The following RAI14 variants were observed in gnomAD, a reference collection of about 807,000 sequenced individuals.
RAI14 encodes ankycorbin.
In RAI14, 45 loss-of-function variants were observed where a neutral mutation model predicts 115.4. The ratio of observed to expected loss-of-function variants is 0.39; its 90% CI spans 0.31 to 0.50. RAI14 has a LOEUF of 0.50. Among genes scored for constraint, RAI14 ranks in the 20% least tolerant of loss-of-function variants. The probability of loss-of-function intolerance (pLI) is 0.85; values close to 1 mark genes in which losing one functional copy is unlikely to be tolerated. For missense variants in RAI14, 939 were observed against 1,131.2 expected (o/e 0.83, Z 2.44); for synonymous variants, 371 against 415.4 (o/e 0.89, Z 1.30).
intron 4 of RAI14, among the ~76,000 whole-genome samples, chr5:34,802,243 C>T (rs1754362440): frequency 6.6e-6 from 1 of 152,066 alleles, no homozygotes; most frequent in Admixed American, 6.6e-5. Context: ...AATTATCCAG[C>T]TTATAAGGTC....
At chr5:34,727,140 T>C (rs1277246861) in intron 2 of RAI14, among the ~76,000 whole-genome samples, 1 of 152,148 alleles carries the variant, frequency 6.6e-6, no homozygotes, top group African/African-American at 2.4e-5. Flanking sequence ...AAGTCTAGGC[T>C]GAAGTGGTGT....
At chr5:34,799,518 ACACACACACACAC>A (rs1323446392) in intron 4 of RAI14, among the ~76,000 whole-genome samples, 4 of 116,450 alleles carry the variant, frequency 3.4e-5, no homozygotes, top group African/African-American at 1.2e-4. Flanking sequence ...ACACACACAC[ACACACACACACAC>A]ACACACACAA....
At position 34,791,087 on chromosome 5, in the gene RAI14, G is replaced by T. The variant is rs1319105014; in HGVS notation, c.168-4852G>T. Among the ~76,000 whole-genome samples the T allele has an allele frequency of 1.3e-5, 2 of 152,092 alleles. No homozygotes were observed. The highest frequency in any genetic ancestry group is 2.9e-5 in the Non-Finnish European group (2 of 68,030). On this transcript the variant is annotated intron_variant, in intron 3 of 17. Transcript: ENST00000265109. This position sits in a 1 kb window ranked among gnomAD's most constrained non-coding sequence, Gnocchi z 5.4. ...ATTTTACAAATTACATGGATGGTTGGGTTGGTAAGAAGTATGTGAATTTTG... is the reference window on the plus strand; with the variant it reads ...ATTTTACAAATTACATGGATGGTTGTGTTGGTAAGAAGTATGTGAATTTTG...
At chr5:34,826,714 C>A (rs185739409) in intron 16 of RAI14, among the ~76,000 whole-genome samples, 82 of 152,280 alleles carry the variant, frequency 5.4e-4, no homozygotes, top group African/African-American at 1.9e-3. Flanking sequence ...AGGAAAGAAC[C>A]GACAGGACAG....
chr5:34,766,934 C>T (rs1749459352), intron 3 of RAI14, among the ~76,000 whole-genome samples: 1 of 152,118 alleles, frequency 6.6e-6, no homozygotes, highest in Admixed American at 6.5e-5. Context: ...GAGTAAGTCT[C>T]ACGAGATCTG....
chr5:34,682,223 AC>A (rs1744440075), intron 1 of RAI14, among the ~76,000 whole-genome samples: 1 of 151,636 alleles, frequency 6.6e-6, no homozygotes, highest in African/African-American at 2.4e-5. Flanking sequence ...TAAAAAAAAA[AC>A]AGCTTTGTTG....
intron 2 of RAI14, among the ~76,000 whole-genome samples, chr5:34,743,227 A>G (rs1405600809): frequency 6.6e-6 from 1 of 152,142 alleles, no homozygotes; most frequent in Non-Finnish European, 1.5e-5. Context: ...AGAAGTCCAA[A>G]ATTAAGACAT....
intron 2 of RAI14, among the ~76,000 whole-genome samples, chr5:34,695,590 G>A (rs1311181171): frequency 1.3e-5 from 2 of 152,312 alleles, no homozygotes; most frequent in East Asian, 1.9e-4. Flanking sequence ...AAGAAAGACT[G>A]TGAAATATCA....
chr5:34,832,585 G>A lies in RAI14; in HGVS notation c.*1820G>A, dbSNP rs1364718103. On this transcript the variant is annotated 3_prime_UTR_variant, in exon 18 of 18. Coordinates refer to ENST00000265109, the MANE Select transcript of RAI14 (RefSeq NM_015577.3). ...GTCTTTGTAATTTACAGAAGTTATTGGAGAAAATAAACTTGTTTCATTTTG... is the reference window on the plus strand; with the variant it reads ...GTCTTTGTAATTTACAGAAGTTATTAGAGAAAATAAACTTGTTTCATTTTG... The A allele has an allele frequency of 6.6e-6, 1 of 152,534 alleles. No individual in the cohort carries two copies. Among genetic ancestry groups the A allele is most frequent in the Non-Finnish European group, 1.5e-5 (1 of 68,006 alleles). The allele number at this position is 152,534 out of a possible 1,614,324, so 9.4% of individuals were successfully genotyped here.
At chr5:34,688,325 T>C (rs1738122236) in intron 2 of RAI14, 1 of 1,380,268 alleles carries the variant, frequency 7.2e-7, no homozygotes, top group Non-Finnish European at 1.0e-6. Context: ...CAAATGTCTT[T>C]TTCTATTCCA....
intron 1 of RAI14, among the ~76,000 whole-genome samples, chr5:34,677,687 T>C (rs144064022): frequency 1.3e-4 from 20 of 152,226 alleles, no homozygotes; most frequent in African/African-American, 4.6e-4. Flanking sequence ...GATCTTCCCA[T>C]CTTGGCCTCC....
chr5:34,702,275 G>A (rs1412397641), intron 2 of RAI14, among the ~76,000 whole-genome samples: 1 of 152,196 alleles, frequency 6.6e-6, no homozygotes, highest in Non-Finnish European at 1.5e-5. Flanking sequence ...ACAGAAACAA[G>A]TCTCAATTCC....
intron 2 of RAI14, among the ~76,000 whole-genome samples, chr5:34,708,448 C>T (rs939588714): frequency 3.9e-5 from 6 of 152,112 alleles, no homozygotes; most frequent in Non-Finnish European, 7.4e-5. Flanking sequence ...GTGATCCGCC[C>T]GCCCCAGCCT....
rs139769400 is a variant in RAI14, at chr5:34,730,937, C to T, written c.37-26531C>T. On this transcript the variant is annotated intron_variant, in intron 2 of 17. Transcript: ENST00000265109. Reference sequence around the variant, plus strand: ...GGTGGAGGTTGCAGTGAGCTGAGGCCGTGCCATTGCACTCCCAGCCTGGGC... The same window carrying T: ...GGTGGAGGTTGCAGTGAGCTGAGGCTGTGCCATTGCACTCCCAGCCTGGGC... Among the ~76,000 whole-genome samples the T allele has an allele frequency of 9.3e-3, 1,412 of 152,220 alleles. 22 individuals are homozygous for T. The highest frequency in any genetic ancestry group is 0.032 in the African/African-American group (1,345 of 41,532).
At chr5:34,805,987 T>C (rs1272180775) in intron 5 of RAI14, among the ~76,000 whole-genome samples, 1 of 152,152 alleles carries the variant, frequency 6.6e-6, no homozygotes, top group African/African-American at 2.4e-5. Flanking sequence ...CCTATCCCAG[T>C]GGAGCTCCCA....
At chr5:34,765,978 T>C (rs1580181962) in intron 3 of RAI14, among the ~76,000 whole-genome samples, 1 of 152,172 alleles carries the variant, frequency 6.6e-6, no homozygotes, top group Non-Finnish European at 1.5e-5. Context: ...CTTCAGAGGG[T>C]AGAAGCCCCA....
chr5:34,672,402 T>A (rs1187900901), intron 1 of RAI14, among the ~76,000 whole-genome samples: 1 of 152,272 alleles, frequency 6.6e-6, no homozygotes, highest in Non-Finnish European at 1.5e-5. Context: ...GGGGGGAGCA[T>A]ATTCAGTCTT....
At chr5:34,771,494 A>G (rs1039229570) in intron 3 of RAI14, among the ~76,000 whole-genome samples, 2 of 152,204 alleles carry the variant, frequency 1.3e-5, no homozygotes, top group African/African-American at 4.8e-5. Flanking sequence ...CCCAATATCT[A>G]TTTCAGCCGG....
chr5:34,782,222 T>G (rs528213663), intron 3 of RAI14, among the ~76,000 whole-genome samples: 2 of 152,322 alleles, frequency 1.3e-5, no homozygotes, highest in Non-Finnish European at 2.9e-5. Flanking sequence ...TGGCTAGTTT[T>G]GGGGCCAGTT....
Sources: gnomAD v4.1 joint callset for allele counts (sites outside exome capture counted in the v4.1 genomes callset) on GRCh38, gnomAD v4.1.1 for gene constraint, Gnocchi (gnomAD v3.1) non-coding constraint, MANE v1.5 for transcripts, NCBI Gene and HGNC (gene_info 2026-07-23, HGNC 2026-07-21) for gene names.